RAPH1: variants seen among roughly 807,000 people sequenced by gnomAD.
RAPH1 encodes Ras association (RalGDS/AF-6) and pleckstrin homology domains 1.
A neutral mutation model predicts 88.1 loss-of-function variants in RAPH1; 18 were observed. That is an observed-to-expected ratio of 0.20 (90% CI 0.14 to 0.30). The LOEUF (loss-of-function observed/expected upper bound fraction) is 0.30, where lower values mean the gene tolerates loss of function less well. Ranked by LOEUF, RAPH1 falls within the 10% of genes least tolerant of loss-of-function variation. RAPH1 has a pLI of 1.00. For missense variants in RAPH1, 1,448 were observed against 1,543.2 expected, an observed-to-expected ratio of 0.94 and a Z score of 1.03; for synonymous variants, 587 against 559.0, an observed-to-expected ratio of 1.05 and a Z score of -0.71.
Position 203,437,541 on chromosome 2 carries a change from A to C in RAPH1, c.*1896T>G, listed in dbSNP as rs1293122800. On this transcript the variant is annotated 3_prime_UTR_variant, in exon 14 of 14. Transcript: ENST00000319170. ...TCACTTCATAAATATCAAACACAAA[A>C]CTTGGTGAACAATTTGAAAGACCTA... 6.6e-6 allele frequency: 1 copy of C among 152,244 alleles called. No homozygotes were observed. Among genetic ancestry groups the C allele is most frequent in the East Asian group, 1.9e-4 (1 of 5,208 alleles). 9.4% of individuals were successfully genotyped at this position (152,244 alleles called of 1,614,324 possible). A position where few individuals can be genotyped will look rare whatever the true frequency, so the allele number is the denominator to read the frequency against.
intron 4 of RAPH1, among the ~76,000 whole-genome samples, chr2:203,466,473 T>C (rs1200200557): frequency 1.3e-5 from 2 of 152,198 alleles, no homozygotes; most frequent in Non-Finnish European, 2.9e-5. Flanking sequence ...CTGATACGTT[T>C]AGATGACATA....
chr2:203,523,083 G>A (rs770906632), intron 1 of RAPH1, among the ~76,000 whole-genome samples: 4 of 151,900 alleles, frequency 2.6e-5, no homozygotes, highest in Non-Finnish European at 4.4e-5. Context: ...CACATAAAAT[G>A]TCAAACAATT....
At chr2:203,526,551 C>T (rs1167832686) in intron 1 of RAPH1, among the ~76,000 whole-genome samples, 1 of 151,794 alleles carries the variant, frequency 6.6e-6, no homozygotes, top group Non-Finnish European at 1.5e-5. Context: ...ATGGTAAAAC[C>T]CCATCTCTAC....
At position 203,437,756 on chromosome 2, in the gene RAPH1, AC is replaced by A; in HGVS notation, c.*1680del. 1 of 186,800 alleles carries A rather than the reference AC, an allele frequency of 5.4e-6. No homozygotes were observed. Among genetic ancestry groups the A allele is most frequent in the South Asian group, 1.1e-4 (1 of 8,838 alleles). 11.6% of individuals were successfully genotyped at this position (186,800 alleles called of 1,614,324 possible). A position where few individuals can be genotyped will look rare whatever the true frequency, so the allele number is the denominator to read the frequency against. ...ACTTTTGCTCATTCTAGAATTATTT[AC>A]CATCTCTTCCCCCACTTTACTGGCA... On this transcript the variant is annotated 3_prime_UTR_variant, in exon 14 of 14. Transcript: ENST00000319170.
chr2:203,441,537 C>G, intron 13 of RAPH1, 124 bp from the exon 14 acceptor site: 3 of 1,396,738 alleles, frequency 2.1e-6, no homozygotes, highest in Non-Finnish European at 2.8e-6. Flanking sequence ...GAAAAGGATG[C>G]AGAAGTTGGT....
chr2:203,457,459 C>A, intron 8 of RAPH1, 71 bp downstream of exon 8: 1 of 1,223,578 alleles, frequency 8.2e-7, no homozygotes, highest in Non-Finnish European at 1.2e-6. Flanking sequence ...GTTGGGATTG[C>A]AGGCGTGAGC....
At chr2:203,477,689 T>C (rs1396651976) in intron 4 of RAPH1, among the ~76,000 whole-genome samples, 1 of 152,146 alleles carries the variant, frequency 6.6e-6, no homozygotes, top group Non-Finnish European at 1.5e-5. Context: ...CCTCGAATTC[T>C]AGATGAATAA....
intron 10 of RAPH1, among the ~76,000 whole-genome samples, chr2:203,453,229 A>C (rs1322347978): frequency 1.3e-5 from 2 of 152,190 alleles, no homozygotes; most frequent in Non-Finnish European, 2.9e-5. Context: ...GGTGTTCCCC[A>C]AAAACACAAT....
chr2:203,517,535 C>T (rs749837639), intron 1 of RAPH1, among the ~76,000 whole-genome samples: 7 of 151,974 alleles, frequency 4.6e-5, no homozygotes, highest in Admixed American at 2.6e-4. Flanking sequence ...GACATCTATG[C>T]GCTAATTCAT....
intron 12 of RAPH1, chr2:203,445,255 A>G: frequency 2.5e-6 from 1 of 394,664 alleles, no homozygotes; most frequent in South Asian, 6.2e-5. Flanking sequence ...ATTATAATAA[A>G]TGATTCACAT....
At chr2:203,516,188 A>G (rs1689597334) in intron 1 of RAPH1, among the ~76,000 whole-genome samples, 1 of 152,210 alleles carries the variant, frequency 6.6e-6, no homozygotes, top group Non-Finnish European at 1.5e-5. Context: ...ATTATCTGAA[A>G]GTGGATTTCA....
intron 1 of RAPH1, among the ~76,000 whole-genome samples, chr2:203,524,212 G>A (rs1051963405): frequency 1.3e-5 from 2 of 152,038 alleles, no homozygotes; most frequent in Non-Finnish European, 1.5e-5. Context: ...AATAATCAGC[G>A]AAAGGTGAAT....
Position 203,433,863 on chromosome 2 carries a change from TATA to T in RAPH1, c.*5571_*5573del, listed in dbSNP as rs2098495272. The stretch of plus-strand genomic sequence containing the variant: ...TTTTATTAAGGATTTGATAAGCTGA[TATA>T]ATGAAAACATGTAAATGAAAAACAT... On this transcript the variant is annotated 3_prime_UTR_variant, in exon 14 of 14. Coordinates refer to ENST00000319170, the MANE Select transcript of RAPH1 (RefSeq NM_213589.3). 1 of 152,546 alleles carries T rather than the reference TATA, an allele frequency of 6.6e-6. No homozygotes were observed. Among genetic ancestry groups the T allele is most frequent in the Non-Finnish European group, 1.5e-5 (1 of 68,024 alleles). The allele number at this position is 152,546 out of a possible 1,614,324, so 9.4% of individuals were successfully genotyped here.
At chr2:203,463,764 A>T (rs941755768) in intron 4 of RAPH1, among the ~76,000 whole-genome samples, 8 of 152,204 alleles carry the variant, frequency 5.3e-5, no homozygotes, top group African/African-American at 1.9e-4. Flanking sequence ...AAAATCCTTT[A>T]TGCAAATAAA....
At chr2:203,502,784 C>T (rs1445231011) in intron 1 of RAPH1, among the ~76,000 whole-genome samples, 1 of 149,474 alleles carries the variant, frequency 6.7e-6, no homozygotes, top group Non-Finnish European at 1.5e-5. Flanking sequence ...CTCGCCACTG[C>T]ACTCCAGCCT....
At chr2:203,505,242 T>A (rs1003067848) in intron 1 of RAPH1, among the ~76,000 whole-genome samples, 1 of 152,174 alleles carries the variant, frequency 6.6e-6, no homozygotes, top group Non-Finnish European at 1.5e-5. Flanking sequence ...AAAAGAGGTT[T>A]AATTGGACTC....
intron 6 of RAPH1, among the ~76,000 whole-genome samples, chr2:203,460,354 C>T (rs1581279483): frequency 6.6e-6 from 1 of 152,136 alleles, no homozygotes; most frequent in East Asian, 1.9e-4. Flanking sequence ...TTATAAGTTT[C>T]GATATCAAGT....
At chr2:203,474,140 AGT>A (rs1218327459) in intron 4 of RAPH1, among the ~76,000 whole-genome samples, 1 of 152,174 alleles carries the variant, frequency 6.6e-6, no homozygotes, top group Admixed American at 6.6e-5. Flanking sequence ...CTGGGGTCGC[AGT>A]GTGAGGGAGT....
At chr2:203,482,298 G>A (rs1422970670) in intron 4 of RAPH1, among the ~76,000 whole-genome samples, 1 of 152,092 alleles carries the variant, frequency 6.6e-6, no homozygotes, top group Non-Finnish European at 1.5e-5. Flanking sequence ...TGATTCTCCT[G>A]CCTCAGCCTC....
Sources: allele counts gnomAD v4.1 joint callset (sites outside exome capture counted in the v4.1 genomes callset), GRCh38; gene constraint gnomAD v4.1.1; transcripts MANE v1.5; gene names NCBI Gene and HGNC (gene_info 2026-07-23, HGNC 2026-07-21).